The following GALNT13 variants were observed in gnomAD, a reference collection of about 807,000 sequenced individuals.
GALNT13 encodes the protein UDP-GalNAc:polypeptide N-acetylgalactosaminyltransferase 13.
Under a neutral mutation model 64.2 loss-of-function variants are expected in GALNT13, and 28 were observed. The ratio of observed to expected loss-of-function variants is 0.44; its 90% CI spans 0.32 to 0.60. The LOEUF (loss-of-function observed/expected upper bound fraction) is 0.60, where lower values mean the gene tolerates loss of function less well. GALNT13 is among the 20% of genes least tolerant of loss of function. GALNT13 has a pLI of 0.05. For missense variants in GALNT13, 577 were observed against 669.8 expected, an observed-to-expected ratio of 0.86 and a Z score of 1.53; for synonymous variants, 214 against 224.6, an observed-to-expected ratio of 0.95 and a Z score of 0.42.
At chr2:153,381,768 T>C in the GALNT13 span, among the ~76,000 whole-genome samples, 4 of 152,196 alleles carry the variant, frequency 2.6e-5, no homozygotes, top group East Asian at 7.8e-4. Context: ...ATTTTAGAAA[T>C]TGACATTTGA....
At chr2:153,988,328 C>T (rs191884534) in intron 3 of GALNT13, among the ~76,000 whole-genome samples, 86 of 151,984 alleles carry the variant, frequency 5.7e-4, no homozygotes, top group Non-Finnish European at 3.7e-4. Context: ...CTCTCACCTG[C>T]TGCCACCTGC....
At chr2:153,909,030 A>G (rs1467619755) in intron 2 of GALNT13, among the ~76,000 whole-genome samples, 3 of 152,046 alleles carry the variant, frequency 2.0e-5, no homozygotes, top group Admixed American at 2.0e-4. Flanking sequence ...CATGAGATCC[A>G]TGAACATGGA....
At chr2:153,590,987 G>GA in the GALNT13 span, among the ~76,000 whole-genome samples, 1 of 151,896 alleles carries the variant, frequency 6.6e-6, no homozygotes, top group Non-Finnish European at 1.5e-5. Context: ...GTAAGGAAAA[G>GA]AAAAAAAGTC....
intron 4 of GALNT13, among the ~76,000 whole-genome samples, chr2:154,222,813 C>A (rs1228762224): frequency 6.6e-6 from 1 of 151,978 alleles, no homozygotes; most frequent in African/African-American, 2.4e-5. Context: ...AAGTTGGATT[C>A]GAAAGAGAAG....
At chr2:153,597,328 A>G in the GALNT13 span, among the ~76,000 whole-genome samples, 1 of 152,158 alleles carries the variant, frequency 6.6e-6, no homozygotes, top group Non-Finnish European at 1.5e-5. Context: ...CCTGTCCCAC[A>G]ATATCTTTTA....
chr2:153,706,037 G>A, the GALNT13 span, among the ~76,000 whole-genome samples: 33 of 151,422 alleles, frequency 2.2e-4, no homozygotes, highest in Non-Finnish European at 4.1e-4. Flanking sequence ...TAACTCTGTC[G>A]CCAGGCTGCA....
rs969004222 is a variant in GALNT13 at position 154,206,752 on chromosome 2, C to A, written c.312-35278C>A. Among the ~76,000 whole-genome samples the A allele has an allele frequency of 2.0e-5, 3 of 151,478 alleles. No individual in the cohort carries two copies. In the South Asian group the frequency reaches 6.3e-4, roughly 32 times the overall value. ...TGAGCCGAGATTGCCCCACTGCATT[C>A]CAGCCTGGGTGACAGAGGGAGACTC... On this transcript the variant is annotated intron_variant, in intron 4 of 12. Transcript: ENST00000392825.
At chr2:153,965,465 G>C (rs1318418130) in intron 3 of GALNT13, among the ~76,000 whole-genome samples, 3 of 151,956 alleles carry the variant, frequency 2.0e-5, no homozygotes, top group African/African-American at 7.3e-5. Flanking sequence ...TTCTGTGCGT[G>C]GCTTGTTTTA....
intron 3 of GALNT13, among the ~76,000 whole-genome samples, chr2:154,086,368 A>G (rs1180822462): frequency 6.7e-6 from 1 of 148,190 alleles, no homozygotes; most frequent in Non-Finnish European, 1.5e-5. Context: ...AATTTTCTTT[A>G]TATATCACCA....
intron 1 of GALNT13, among the ~76,000 whole-genome samples, chr2:153,880,644 T>C (rs1008852807): frequency 2.6e-5 from 4 of 152,154 alleles, no homozygotes; most frequent in Admixed American, 1.3e-4. Flanking sequence ...TTCGATTCTC[T>C]TGATCATTCA....
chr2:154,013,994 A>T (rs1414514990), intron 3 of GALNT13, among the ~76,000 whole-genome samples: 1 of 152,148 alleles, frequency 6.6e-6, no homozygotes, highest in Non-Finnish European at 1.5e-5. Flanking sequence ...TAGGCATTTG[A>T]TGCTGCATTG....
chr2:153,890,988 G>A (rs1687514480), intron 1 of GALNT13, among the ~76,000 whole-genome samples: 1 of 151,770 alleles, frequency 6.6e-6, no homozygotes, highest in Non-Finnish European at 1.5e-5. Context: ...ATTCATTGTT[G>A]GTACATATAA....
Position 154,383,416 on chromosome 2 carries a change from C to T in GALNT13, c.1157-12575C>T, listed in dbSNP as rs149926284. On this transcript the variant is annotated intron_variant, in intron 9 of 12. Coordinates refer to ENST00000392825, the MANE Select transcript of GALNT13 (RefSeq NM_052917.4). The stretch of plus-strand genomic sequence containing the variant: ...CCTGCTGAAAAAAAAATTATATGCC[C>T]TATGTTTACAGTCTGCCTAGATAGT... Among the ~76,000 whole-genome samples the T allele has an allele frequency of 3.9e-3, 590 of 151,858 alleles. 3 individuals carry two copies. The highest frequency in any genetic ancestry group is 0.013 in the African/African-American group (556 of 41,458).
At chr2:154,237,022 G>A (rs1689228971) in intron 4 of GALNT13, among the ~76,000 whole-genome samples, 1 of 151,634 alleles carries the variant, frequency 6.6e-6, no homozygotes. Flanking sequence ...TTTTGATATA[G>A]CATTATAAAA....
chr2:153,715,592 C>T, the GALNT13 span, among the ~76,000 whole-genome samples: 1 of 152,164 alleles, frequency 6.6e-6, no homozygotes, highest in Non-Finnish European at 1.5e-5. Flanking sequence ...ACTATAATTC[C>T]ATCTCTAGTC....
chr2:154,007,283 A>G (rs1696321997), intron 3 of GALNT13, among the ~76,000 whole-genome samples: 1 of 149,070 alleles, frequency 6.7e-6, no homozygotes, highest in African/African-American at 2.4e-5. Context: ...TGAATTTGTC[A>G]CCAATCGTGT....
At chr2:153,435,344 GT>G in the GALNT13 span, among the ~76,000 whole-genome samples, 6 of 151,980 alleles carry the variant, frequency 3.9e-5, no homozygotes, top group African/African-American at 7.3e-5. Context: ...CTTTAAAGTA[GT>G]TTTTTTCCAA....
chr2:153,558,564 TC>T, the GALNT13 span, among the ~76,000 whole-genome samples: 22 of 152,140 alleles, frequency 1.4e-4, no homozygotes, highest in African/African-American at 4.8e-5. Flanking sequence ...TCTTCTCCTT[TC>T]CAAGGTCCTT....
intron 1 of GALNT13, among the ~76,000 whole-genome samples, chr2:153,896,373 A>G (rs954688248): frequency 6.6e-6 from 1 of 150,904 alleles, no homozygotes; most frequent in Admixed American, 6.6e-5. Context: ...TTTAATAGGT[A>G]TATATCAATG....
Sources: gnomAD v4.1 joint callset for allele counts (sites outside exome capture counted in the v4.1 genomes callset) on GRCh38, gnomAD v4.1.1 for gene constraint, MANE v1.5 for transcripts, NCBI Gene and HGNC (gene_info 2026-07-23, HGNC 2026-07-21) for gene names.